Variants in SYNPO2 observed in about 807,000 individuals in gnomAD.
The protein encoded by SYNPO2 is synaptopodin-2.
Under a neutral mutation model 85.0 loss-of-function variants are expected in SYNPO2, and 56 were observed. The ratio of observed to expected loss-of-function variants is 0.66; its 90% CI spans 0.53 to 0.82. The LOEUF is 0.82. Ranked by LOEUF, SYNPO2 falls within the 40% of genes least tolerant of loss-of-function variation. The pLI, the probability that SYNPO2 is intolerant of heterozygous loss-of-function variation, is 0.00. For synonymous variants in SYNPO2, 602 were observed against 591.1 expected (o/e 1.02, Z -0.27); for missense variants, 1,575 against 1,534.2 (o/e 1.03, Z -0.44).
intron 1 of SYNPO2, among the ~76,000 whole-genome samples, chr4:118,954,993 C>T (rs1484593565): frequency 7.4e-6 from 1 of 134,958 alleles, no homozygotes; most frequent in Non-Finnish European, 1.5e-5. Context: ...AGATTCTGTG[C>T]AATTTTTTTT....
intron 1 of SYNPO2, among the ~76,000 whole-genome samples, chr4:118,865,178 T>C (rs115924581): frequency 0.041 from 6,279 of 152,228 alleles, 199 homozygotes; most frequent in Non-Finnish European, 0.064. Flanking sequence ...AGGAGACTGG[T>C]TCTGCAAGTG....
chr4:119,042,246 A>G (rs752272102), intron 4 of SYNPO2: 3 of 144,356 alleles, frequency 2.1e-5, no homozygotes, highest in Non-Finnish European at 3.1e-5. Context: ...TAAAAAAGAC[A>G]AAAGACTAAA....
chr4:118,892,394 A>C (rs1732405490), intron 1 of SYNPO2, among the ~76,000 whole-genome samples: 1 of 152,210 alleles, frequency 6.6e-6, no homozygotes, highest in Non-Finnish European at 1.5e-5. Context: ...ATAGCATAAC[A>C]CTCTGCAAAG....
intron 1 of SYNPO2, among the ~76,000 whole-genome samples, chr4:118,970,330 T>C (rs1735490799): frequency 6.6e-6 from 1 of 152,226 alleles, no homozygotes; most frequent in Admixed American, 6.5e-5. Context: ...TTGAGAAATT[T>C]CCAAAGGTCT....
intron 1 of SYNPO2, among the ~76,000 whole-genome samples, chr4:118,897,246 A>C (rs1456554247): frequency 6.6e-6 from 1 of 152,070 alleles, no homozygotes; most frequent in Non-Finnish European, 1.5e-5. Context: ...GTGAGAGCTC[A>C]CTCACTATCA....
chr4:119,029,999 C>A lies in SYNPO2; in HGVS notation c.1224C>A (p.Thr408=). The change falls in exon 4 of 5, where the codon ACC becomes ACA. Residue 408 remains threonine (T), a synonymous_variant. Transcript: ENST00000307142. ...KKRRRRARKY[T]LVSYGTGELE... ...GACGTCGGAGGGCCAGGAAATACAC[C>A]CTAGTTAGCTACGGTACTGGCGAGC... is the stretch of plus-strand genomic sequence containing the variant. 2 of 1,613,974 alleles carry A rather than the reference C, an allele frequency of 1.2e-6. No individual in the cohort carries two copies. Among genetic ancestry groups the A allele is most frequent in the East Asian group, 2.2e-5 (1 of 44,882 alleles).
Position 118,967,152 on chromosome 4 carries a change from G to C in SYNPO2, c.106-56278G>C, listed in dbSNP as rs1735344627. On this transcript the variant is annotated intron_variant, in intron 1 of 4. Transcript: ENST00000307142. Reference sequence around the variant, plus strand: ...ATTTCAGAAAACAAAGGTTTCAGTGGTTGAACTCAGCTACTGAGTTAATTT... The same window carrying C: ...ATTTCAGAAAACAAAGGTTTCAGTGCTTGAACTCAGCTACTGAGTTAATTT... Among the ~76,000 whole-genome samples, 3 of 152,090 alleles carry C rather than the reference G, an allele frequency of 2.0e-5. No individual in the cohort carries two copies. In the South Asian group the frequency reaches 6.2e-4, roughly 32 times the overall value.
At chr4:118,884,281 G>C (rs1672520211), upstream of SYNPO2, among the ~76,000 whole-genome samples, 2 of 152,174 alleles carry the variant, frequency 1.3e-5, no homozygotes, top group African/African-American at 4.8e-5. Context: ...GACCCATGAA[G>C]GACTGACTGT....
chr4:118,875,758 G>A (rs369072101), intron 1 of SYNPO2, among the ~76,000 whole-genome samples: 4 of 152,282 alleles, frequency 2.6e-5, no homozygotes, highest in African/African-American at 7.2e-5. Flanking sequence ...AATACTTACA[G>A]TGTCTGCATC....
intron 4 of SYNPO2, chr4:119,037,825 C>T (rs765404235): frequency 8.0e-5 from 17 of 211,456 alleles, no homozygotes; most frequent in Non-Finnish European, 1.2e-4. Flanking sequence ...TCATTATCCC[C>T]ATTTTATAGA....
At chr4:118,908,984 A>C (rs1733042567) in intron 1 of SYNPO2, among the ~76,000 whole-genome samples, 1 of 152,170 alleles carries the variant, frequency 6.6e-6, no homozygotes, top group Non-Finnish European at 1.5e-5. Flanking sequence ...CCGTAACATA[A>C]AGGCATAGAG....
At chr4:118,992,860 C>A (rs1186680422) in intron 1 of SYNPO2, among the ~76,000 whole-genome samples, 1 of 152,152 alleles carries the variant, frequency 6.6e-6, no homozygotes, top group East Asian at 1.9e-4. Flanking sequence ...AATTTTGGGA[C>A]CCTGACTTCT....
intron 4 of SYNPO2, among the ~76,000 whole-genome samples, chr4:119,045,099 A>T (rs961864087): frequency 6.6e-6 from 1 of 152,234 alleles, no homozygotes; most frequent in Non-Finnish European, 1.5e-5. Flanking sequence ...ATAACTGATA[A>T]GATTTTTCTC....
chr4:118,882,924 G>C (rs576835478), intron 1 of SYNPO2, among the ~76,000 whole-genome samples: 1 of 151,850 alleles, frequency 6.6e-6, no homozygotes. Context: ...CACCACGCCC[G>C]GCTAATTTTT....
At chr4:118,972,716 C>T (rs1735582946) in intron 1 of SYNPO2, among the ~76,000 whole-genome samples, 1 of 152,084 alleles carries the variant, frequency 6.6e-6, no homozygotes, top group South Asian at 2.1e-4. Flanking sequence ...CTGTTTTGCC[C>T]ACTGCCTACA....
At chr4:118,967,958 A>G (rs1370689183) in intron 1 of SYNPO2, among the ~76,000 whole-genome samples, 1 of 152,214 alleles carries the variant, frequency 6.6e-6, no homozygotes, top group Non-Finnish European at 1.5e-5. Flanking sequence ...CAGCTATTCT[A>G]TAAAATGTCT....
intron 1 of SYNPO2, among the ~76,000 whole-genome samples, chr4:118,879,904 G>A (rs1023333585): frequency 2.6e-5 from 4 of 151,646 alleles, no homozygotes; most frequent in African/African-American, 4.9e-5. Flanking sequence ...TCTGAGGCCT[G>A]TTGCCTGTCA....
chr4:118,987,011 T>C (rs1736244828), intron 1 of SYNPO2, among the ~76,000 whole-genome samples: 1 of 152,196 alleles, frequency 6.6e-6, no homozygotes, highest in Non-Finnish European at 1.5e-5. Flanking sequence ...ACCAACACAG[T>C]TTTGCTGAAT....
chr4:118,977,085 C>G (rs941481309), intron 1 of SYNPO2, among the ~76,000 whole-genome samples: 1 of 152,184 alleles, frequency 6.6e-6, no homozygotes, highest in South Asian at 2.1e-4. Flanking sequence ...TGGGACTGGG[C>G]GCCGTGGAGC....
Sources: allele counts gnomAD v4.1 joint callset (sites outside exome capture counted in the v4.1 genomes callset), GRCh38; gene constraint gnomAD v4.1.1; transcripts MANE v1.5; gene names NCBI Gene and HGNC (gene_info 2026-07-23, HGNC 2026-07-21).